GEN1: variants seen among roughly 807,000 people sequenced by gnomAD.
GEN1 encodes the protein flap endonuclease GEN homolog 1.
GEN1 carries 64 observed loss-of-function variants against 67.6 expected under a neutral mutation model. That is an observed-to-expected ratio of 0.95 (90% confidence interval 0.77 to 1.17). The LOEUF is 1.17. Among genes scored for constraint, GEN1 ranks in the 50% most tolerant of loss-of-function variants. The pLI is 0.00. For synonymous variants in GEN1, 371 were observed against 359.4 expected (o/e 1.03, Z -0.37); for missense variants, 1,058 against 1,048.3 (o/e 1.01, Z -0.13).
intron 12 of GEN1, 134 bp downstream of exon 12, chr2:17,778,197 CATATAT>C (rs1672553334): frequency 6.0e-6 from 2 of 335,746 alleles, no homozygotes; most frequent in East Asian, 1.3e-4. Context: ...TACACACACA[CATATAT>C]GTGTATATAT....
At chr2:17,769,761 AAC>A (rs1283619093) in intron 6 of GEN1, among the ~76,000 whole-genome samples, 2 of 152,302 alleles carry the variant, frequency 1.3e-5, no homozygotes, top group East Asian at 1.9e-4. Flanking sequence ...CTATCTCAAA[AAC>A]ACATGAATTA....
Position 17,781,906 on chromosome 2 carries a change from C to T in GEN1, c.2694C>T (p.Arg898=). 6.4e-7 allele frequency: 1 copy of T among 1,565,834 alleles called. No individual in the cohort carries two copies. Residue 898 remains arginine (R), a synonymous_variant, in exon 14 of 14, where the codon CGC becomes CGT. Transcript: ENST00000381254. ...GTCLDSPLPL[R]QRLKLRFQST ...GTTTGGATAGCCCTCTTCCTTTACG[C>T]CAGAGATTAAAACTAAGATTCCAAA...
At position 17,781,739 on chromosome 2, in the gene GEN1, C is replaced by T. The variant is rs183886409; in HGVS notation, c.2527C>T (p.Pro843Ser). The T allele has an allele frequency of 3.7e-6, 6 of 1,613,488 alleles. No individual in the cohort carries two copies. In the East Asian group the frequency reaches 1.3e-4, roughly 36 times the overall value. The change falls in exon 14 of 14, where the codon CCT (proline) becomes TCT (serine). Residue 843 changes from proline (P) to serine (S), a missense_variant. Coordinates refer to ENST00000381254, the MANE Select transcript of GEN1 (RefSeq NM_001130009.3). ...KESGHNKLSS[P>S]KIHIKETEQC... ...AAGTGGCCATAACAAGTTGAGTAGC[C>T]CTAAGATACATATTAAAGAAACTGA...
At chr2:17,768,341 A>T (rs1188036642) in intron 5 of GEN1, among the ~76,000 whole-genome samples, 2 of 152,344 alleles carry the variant, frequency 1.3e-5, no homozygotes, top group South Asian at 2.1e-4. Flanking sequence ...TTAAATGTTC[A>T]TGTAATTAAA....
At chr2:17,759,767 G>A (rs542155241) in intron 1 of GEN1, 162 bp from the exon 2 acceptor site, 13 of 525,136 alleles carry the variant, frequency 2.5e-5, no homozygotes, top group African/African-American at 5.8e-5. Flanking sequence ...CCATTTTAAC[G>A]TTTCAGGTGT....
chr2:17,780,010 G>A lies in GEN1; in HGVS notation c.1297G>A (p.Glu433Lys). 1 of 1,600,936 alleles carries A rather than the reference G, an allele frequency of 6.2e-7. No homozygotes were observed. The highest frequency in any genetic ancestry group is 1.1e-5 in the South Asian group (1 of 90,690). Residue 433 changes from glutamate (E) to lysine (K), a missense_variant, in exon 13 of 14, where the codon GAA becomes AAA. Physicochemically the swap from Glu to Lys is moderately conservative, Grantham distance 56. Coordinates refer to ENST00000381254, the MANE Select transcript of GEN1 (RefSeq NM_001130009.3). ...TGCTATGGAAGATAAACAACATGGAGAATTTGCTTTATTAACAATTGAGGA... is the reference window on the plus strand; with the variant it reads ...TGCTATGGAAGATAAACAACATGGAAAATTTGCTTTATTAACAATTGAGGA... ...HYAMEDKQHG[E>K]FALLTIEEES...
chr2:17,779,509 T>C (rs150986705), intron 12 of GEN1, among the ~76,000 whole-genome samples: 66 of 152,306 alleles, frequency 4.3e-4, no homozygotes, highest in Non-Finnish European at 8.2e-4. Context: ...ATCAACAGAT[T>C]GTTAGAATAT....
At position 17,771,190 on chromosome 2, in the gene GEN1, T is replaced by G. The variant is rs1441160729; in HGVS notation, c.711-6T>G. 6.3e-7 allele frequency: 1 copy of G among 1,589,910 alleles called. No individual in the cohort carries two copies. Among genetic ancestry groups the G allele is most frequent in the Non-Finnish European group, 8.6e-7 (1 of 1,158,486 alleles). The stretch of plus-strand genomic sequence containing the variant: ...TCCTTTTTTTAAAAACCACTTTCTA[T>G]TAAAGGTTTAATCGGTGGAATGAAA... On this transcript the variant is annotated splice_polypyrimidine_tract_variant and splice_region_variant and intron_variant, in intron 6 of 13. Transcript: ENST00000381254.
intron 10 of GEN1, among the ~76,000 whole-genome samples, chr2:17,774,049 A>G (rs561828319): frequency 2.6e-4 from 40 of 152,252 alleles, no homozygotes; most frequent in African/African-American, 9.6e-4. Flanking sequence ...AAGTTACCCA[A>G]CATCTAAGAA....
rs1558412221 is a variant in GEN1 at position 17,780,750 on chromosome 2, CT to C, written c.1539del (p.Asp514IlefsTer13). On this transcript the variant is annotated frameshift_variant, in exon 14 of 14. Coordinates refer to ENST00000381254, the MANE Select transcript of GEN1 (RefSeq NM_001130009.3). LOFTEE classifies it low-confidence loss of function (END_TRUNC). ...TCCAAGTTAAATTCGGGGATTTCCC[CT>C]GATCCTACATTACCACAGGAATCTA... ...QNSKLNSGIS[P>X]DPTLPQESIS... 4.3e-6 allele frequency: 7 copies of C among 1,613,966 alleles called. No homozygotes were observed. In the Admixed American group the frequency reaches 5.0e-5, roughly 12 times the overall value.
chr2:17,755,698 T>G (rs905369969), intron 1 of GEN1: 1 of 152,202 alleles, frequency 6.6e-6, no homozygotes, highest in African/African-American at 2.4e-5. Flanking sequence ...TTTCTAATGT[T>G]TTTCTTAAAG....
chr2:17,780,201 G>A (rs895155224), intron 13 of GEN1, 80 bp downstream of exon 13: 44 of 1,119,498 alleles, frequency 3.9e-5, no homozygotes, highest in Non-Finnish European at 5.7e-5. Flanking sequence ...AATCTGCTGT[G>A]TCTAAATTTT....
chr2:17,781,271 G>T lies in GEN1; in HGVS notation c.2059G>T (p.Asp687Tyr), dbSNP rs957590206. Residue 687 changes from aspartate to tyrosine, a missense_variant, in exon 14 of 14, where the codon GAT (aspartate) becomes TAT (tyrosine). Coordinates refer to ENST00000381254, the MANE Select transcript of GEN1 (RefSeq NM_001130009.3). ...RIFTKLSYPQ[D>Y]NLQPDVNLKT... ...ATTTACAAAATTATCATATCCTCAG[G>T]ATAATCTACAACCAGATGTCAACCT... 3.1e-6 allele frequency: 5 copies of T among 1,613,672 alleles called. No individual in the cohort carries two copies. Among genetic ancestry groups the T allele is most frequent in the Non-Finnish European group, 4.2e-6 (5 of 1,179,662 alleles).
chr2:17,763,739 C>G (rs1671788894), intron 3 of GEN1, among the ~76,000 whole-genome samples: 1 of 152,114 alleles, frequency 6.6e-6, no homozygotes, highest in Admixed American at 6.5e-5. Context: ...TATTTTTTAC[C>G]TAGGGGTAAG....
At chr2:17,764,013 A>G (rs1256324206) in intron 3 of GEN1, among the ~76,000 whole-genome samples, 1 of 152,232 alleles carries the variant, frequency 6.6e-6, no homozygotes, top group Admixed American at 6.5e-5. Flanking sequence ...AGAATGATAC[A>G]TGACAAAAAA....
rs1673000058 is a variant in GEN1 at position 17,784,801 on chromosome 2, C to T, written c.*2862C>T. The T allele has an allele frequency of 6.6e-6, 1 of 152,188 alleles. No individual in the cohort carries two copies. The highest frequency in any genetic ancestry group is 2.1e-4 in the South Asian group (1 of 4,832). The allele number at this position is 152,188 out of a possible 1,614,324, so 9.4% of individuals were successfully genotyped here. A position where few individuals can be genotyped will look rare whatever the true frequency, so the allele number is the denominator to read the frequency against. ...CATCTAGACCAGGTAAATAAAATAT[C>T]TAGAGGCATTCTTGAGATTGTATGA... On this transcript the variant is annotated 3_prime_UTR_variant, in exon 14 of 14. Coordinates refer to ENST00000381254, the MANE Select transcript of GEN1 (RefSeq NM_001130009.3).
chr2:17,761,368 T>A lies in GEN1; in HGVS notation c.162-28T>A, dbSNP rs202011009. On this transcript the variant is annotated intron_variant, in intron 2 of 13. Transcript: ENST00000381254. The stretch of plus-strand genomic sequence containing the variant: ...ACTTTTACTATCAGTGTTTGATGAT[T>A]AATGTATTACTAATTTATATATTTC... 3.4e-5 allele frequency: 43 copies of A among 1,247,616 alleles called. 1 individual carries two copies. The East Asian group carries it at 9.2e-4, about 27-fold the overall frequency. 77.3% of individuals were successfully genotyped at this position (1,247,616 alleles called of 1,614,324 possible).
intron 6 of GEN1, among the ~76,000 whole-genome samples, chr2:17,770,181 TC>T (rs1207000243): frequency 6.6e-6 from 1 of 152,172 alleles, no homozygotes; most frequent in Non-Finnish European, 1.5e-5. Context: ...CCTGGCTAAC[TC>T]CAAACCATTC....
intron 11 of GEN1, among the ~76,000 whole-genome samples, chr2:17,775,353 G>T (rs1423754536): frequency 1.3e-5 from 2 of 152,168 alleles, no homozygotes; most frequent in Non-Finnish European, 2.9e-5. Context: ...ACACAGAAAT[G>T]ATCTCAAAGA....
Sources: gnomAD v4.1 joint callset for allele counts (sites outside exome capture counted in the v4.1 genomes callset) on GRCh38, gnomAD v4.1.1 for gene constraint, MANE v1.5 for transcripts, NCBI Gene and HGNC (gene_info 2026-07-23, HGNC 2026-07-21) for gene names.